NEBL: variants seen among roughly 807,000 people sequenced by gnomAD.
NEBL encodes nebulette.
In NEBL, 122 loss-of-function variants were observed where a neutral mutation model predicts 140.2. The observed-to-expected ratio is 0.87, with a 90% CI of 0.75 to 1.01. The LOEUF is 1.01. NEBL is among the 50% of genes least tolerant of loss of function. NEBL has a pLI of 0.00. For synonymous variants in NEBL, 436 were observed against 398.9 expected (o/e 1.09, Z -1.11); for missense variants, 1,365 against 1,231.3 (o/e 1.11, Z -1.62).
intron 2 of NEBL, among the ~76,000 whole-genome samples, chr10:21,077,726 A>C (rs767906662): frequency 2.4e-4 from 36 of 151,884 alleles, no homozygotes; most frequent in Non-Finnish European, 4.4e-4. Flanking sequence ...TCCCTTCTTC[A>C]TTTTCTGTCC....
At chr10:20,919,928 G>A (rs1833500180) in intron 4 of NEBL, among the ~76,000 whole-genome samples, 1 of 151,636 alleles carries the variant, frequency 6.6e-6, no homozygotes, top group Non-Finnish European at 1.5e-5. Flanking sequence ...GCATCATGAA[G>A]GGCTAAGAGT....
chr10:21,025,163 A>G (rs1838975424), intron 2 of NEBL, among the ~76,000 whole-genome samples: 1 of 152,158 alleles, frequency 6.6e-6, no homozygotes, highest in South Asian at 2.1e-4. Context: ...CAAAAAAAAA[A>G]GGAGGAATGG....
At chr10:21,240,716 A>G (rs35199186) in intron 3 of NEBL, among the ~76,000 whole-genome samples, 28,877 of 152,174 alleles carry the variant, frequency 0.19, 3,115 homozygotes, top group African/African-American at 0.28. Context: ...ATGTTTTTAC[A>G]TTTCTAACAA....
At chr10:20,968,390 AG>A (rs1408858589) in intron 3 of NEBL, among the ~76,000 whole-genome samples, 10 of 152,122 alleles carry the variant, frequency 6.6e-5, no homozygotes, top group Non-Finnish European at 1.3e-4. Flanking sequence ...ACATACCCAT[AG>A]TCCCAGCTAC....
chr10:21,223,533 G>A (rs929397444), intron 3 of NEBL, among the ~76,000 whole-genome samples: 8 of 152,180 alleles, frequency 5.3e-5, no homozygotes, highest in African/African-American at 1.9e-4. Context: ...TCTCTTTGAT[G>A]TACTGATTTC....
chr10:21,089,520 G>A (rs1487697773), intron 2 of NEBL, among the ~76,000 whole-genome samples: 2 of 152,110 alleles, frequency 1.3e-5, no homozygotes, highest in African/African-American at 4.8e-5. Context: ...GGTGAGTGTG[G>A]CAAGAGGGAA....
At chr10:21,079,466 C>A (rs796670539) in intron 2 of NEBL, among the ~76,000 whole-genome samples, 3 of 152,316 alleles carry the variant, frequency 2.0e-5, no homozygotes, top group African/African-American at 7.2e-5. Context: ...AAGTAACTTG[C>A]TCAAGAGTGG....
chr10:21,185,118 A>G (rs192566498), intron 3 of NEBL, among the ~76,000 whole-genome samples: 26 of 152,330 alleles, frequency 1.7e-4, no homozygotes, highest in Non-Finnish European at 2.6e-4. Flanking sequence ...CTCTTGCTCC[A>G]TTAGAGAAAA....
intron 2 of NEBL, among the ~76,000 whole-genome samples, chr10:20,890,205 G>A (rs902122254): frequency 2.0e-5 from 3 of 152,118 alleles, no homozygotes; most frequent in African/African-American, 2.4e-5. Flanking sequence ...TGCTGGCTAC[G>A]GGTGATGGGT....
intron 3 of NEBL, among the ~76,000 whole-genome samples, chr10:21,007,465 C>T (rs1244838318): frequency 6.6e-6 from 1 of 152,202 alleles, no homozygotes; most frequent in Non-Finnish European, 1.5e-5. Flanking sequence ...CATCTGTCCA[C>T]CTGTCAGAAA....
rs567563186 is a variant in NEBL, at chr10:21,077,876, A to G, written c.165-57675T>C. On this transcript the variant is annotated intron_variant, in intron 2 of 6. Transcript: ENST00000417816. ...GATAGACCTTTCAACAGCCCGAGCTATGGGCTTCCCACACTATTCATGACC... is the reference window on the plus strand; with the variant it reads ...GATAGACCTTTCAACAGCCCGAGCTGTGGGCTTCCCACACTATTCATGACC... Among the ~76,000 whole-genome samples the G allele has an allele frequency of 3.3e-5, 5 of 152,272 alleles. No homozygotes were observed. In the East Asian group the frequency reaches 7.7e-4, roughly 24 times the overall value.
intron 3 of NEBL, among the ~76,000 whole-genome samples, chr10:21,226,219 G>C (rs1193652489): frequency 6.6e-6 from 1 of 151,814 alleles, no homozygotes; most frequent in Non-Finnish European, 1.5e-5. Context: ...GACTCTGCCT[G>C]GTGCTTTATC....
intron 3 of NEBL, among the ~76,000 whole-genome samples, chr10:21,184,083 C>T (rs112297267): frequency 0.033 from 4,947 of 152,202 alleles, 285 homozygotes; most frequent in African/African-American, 0.11. Context: ...GGTATGTCTT[C>T]ATCAGTGGTG....
At chr10:20,868,899 A>T in intron 6 of NEBL, 134 bp from the exon 7 acceptor site, 2 of 679,826 alleles carry the variant, frequency 2.9e-6, no homozygotes, top group Non-Finnish European at 5.2e-6. Flanking sequence ...AAACACTAAA[A>T]TGTTGACTGC....
chr10:21,196,216 CTGG>C (rs1841644919), intron 3 of NEBL, among the ~76,000 whole-genome samples: 1 of 152,066 alleles, frequency 6.6e-6, no homozygotes, highest in South Asian at 2.1e-4. Context: ...GTTGGTCAGG[CTGG>C]TCTCGAACTC....
At chr10:21,244,726 T>G (rs1285489897) in intron 3 of NEBL, among the ~76,000 whole-genome samples, 1 of 151,760 alleles carries the variant, frequency 6.6e-6, no homozygotes. Flanking sequence ...ATAAATAAAT[T>G]AGGCCAGGCA....
chr10:21,211,411 G>A (rs1027430159), intron 3 of NEBL, among the ~76,000 whole-genome samples: 10 of 152,140 alleles, frequency 6.6e-5, no homozygotes, highest in Non-Finnish European at 1.0e-4. Context: ...AACTTGGGAG[G>A]TGGAGGCTAC....
rs756793671 is a variant in NEBL, at chr10:20,914,784, A to C, written c.357+46888T>G. ...AATGGAAATTTCAAATAATTGAGAC[A>C]ATTTTAATACCAAATTTACTATACA... On this transcript the variant is annotated intron_variant, in intron 4 of 6. Transcript: ENST00000417816. Among the ~76,000 whole-genome samples, 26 of 152,220 alleles carry C rather than the reference A, an allele frequency of 1.7e-4. No individual in the cohort carries two copies. The Middle Eastern group carries it at 0.017, about 100-fold the overall frequency.
intron 2 of NEBL, among the ~76,000 whole-genome samples, chr10:21,094,683 G>A (rs973152769): frequency 6.6e-6 from 1 of 152,100 alleles, no homozygotes; most frequent in African/African-American, 2.4e-5. Flanking sequence ...AAACAAAAAA[G>A]GCTAAAGAAG....
Sources: gnomAD v4.1 joint callset for allele counts (sites outside exome capture counted in the v4.1 genomes callset) on GRCh38, gnomAD v4.1.1 for gene constraint, MANE v1.5 for transcripts, NCBI Gene and HGNC (gene_info 2026-07-23, HGNC 2026-07-21) for gene names.